The following RYR3 variants were observed in gnomAD, a reference collection of about 807,000 sequenced individuals.
The protein encoded by RYR3 is brain ryanodine receptor-calcium release channel.
A neutral mutation model predicts 584.3 loss-of-function variants in RYR3; 207 were observed. The observed-to-expected ratio is 0.35, with a 90% confidence interval of 0.32 to 0.40. RYR3 has a LOEUF of 0.40. Among genes scored for constraint, RYR3 ranks in the 10% least tolerant of loss-of-function variants. The pLI, the probability that RYR3 is intolerant of heterozygous loss-of-function variation, is 1.00. For missense variants in RYR3, 5,616 were observed against 6,089.2 expected (o/e 0.92, Z 2.59); for synonymous variants, 2,416 against 2,248.5 (o/e 1.07, Z -2.11).
At position 33,469,609 on chromosome 15, in the gene RYR3, A is replaced by T. The variant is rs779039088; in HGVS notation, c.52-3810A>T. Among the ~76,000 whole-genome samples, 14 of 151,510 alleles carry T rather than the reference A, an allele frequency of 9.2e-5. No individual in the cohort carries two copies. The South Asian group carries it at 1.0e-3, about 11-fold the overall frequency. On this transcript the variant is annotated intron_variant, in intron 1 of 103. Coordinates refer to ENST00000634891, the MANE Select transcript of RYR3 (RefSeq NM_001036.6). The stretch of plus-strand genomic sequence containing the variant: ...GGATGTGCTCTTGACAAACTTGGGG[A>T]ATATAAAAGGATAGGTAGACTGAAA...
chr15:33,642,372 A>G (rs779960311), intron 27 of RYR3, among the ~76,000 whole-genome samples: 4 of 152,222 alleles, frequency 2.6e-5, no homozygotes, highest in Non-Finnish European at 4.4e-5. Flanking sequence ...CTTCATGTTC[A>G]TGGCTCCAAG....
intron 1 of RYR3, among the ~76,000 whole-genome samples, chr15:33,313,764 T>C (rs1391637849): frequency 6.6e-6 from 1 of 152,224 alleles, no homozygotes; most frequent in African/African-American, 2.4e-5. Context: ...CATATCTTTG[T>C]AACCATGAAC....
intron 53 of RYR3, among the ~76,000 whole-genome samples, chr15:33,747,644 C>T (rs1357768499): frequency 2.0e-5 from 3 of 151,960 alleles, no homozygotes; most frequent in African/African-American, 2.4e-5. Context: ...AGCCTGGTGT[C>T]GAATTTCTGA....
chr15:33,586,227 A>C, intron 16 of RYR3, 111 bp downstream of exon 16: 1 of 706,586 alleles, frequency 1.4e-6, no homozygotes, highest in Non-Finnish European at 2.5e-6. Context: ...GACTTTGATA[A>C]AAATCTTGGG....
At chr15:33,383,031 G>A (rs1478508644) in intron 1 of RYR3, among the ~76,000 whole-genome samples, 1 of 151,996 alleles carries the variant, frequency 6.6e-6, no homozygotes, top group Non-Finnish European at 1.5e-5. Flanking sequence ...AGAAAACAAT[G>A]TAATCATATT....
intron 34 of RYR3, among the ~76,000 whole-genome samples, chr15:33,661,653 G>A (rs1340326842): frequency 3.3e-5 from 5 of 152,086 alleles, no homozygotes; most frequent in African/African-American, 9.7e-5. Flanking sequence ...TAGATCCCTC[G>A]CATGCACGGT....
intron 1 of RYR3, among the ~76,000 whole-genome samples, chr15:33,429,507 G>A (rs953379585): frequency 6.6e-6 from 1 of 152,100 alleles, no homozygotes. Flanking sequence ...GCTGATGATC[G>A]GATTTGCACT....
At position 33,750,153 on chromosome 15, in the gene RYR3, C is replaced by G; in HGVS notation, c.8276-10C>G. The stretch of plus-strand genomic sequence containing the variant: ...GAGCCAAATGTCATCTCTCACCTTA[C>G]TGACCCCAGGTGGTGGCAGCCACCC... On this transcript the variant is annotated splice_polypyrimidine_tract_variant and intron_variant, in intron 56 of 103. Coordinates refer to ENST00000634891, the MANE Select transcript of RYR3 (RefSeq NM_001036.6). The G allele has an allele frequency of 6.2e-7, 1 of 1,609,462 alleles. No individual in the cohort carries two copies. Among genetic ancestry groups the G allele is most frequent in the Non-Finnish European group, 8.5e-7 (1 of 1,177,948 alleles).
chr15:33,506,454 C>T (rs2142807786), intron 3 of RYR3, among the ~76,000 whole-genome samples: 1 of 152,234 alleles, frequency 6.6e-6, no homozygotes, highest in East Asian at 1.9e-4. Context: ...TTGAGTCAGA[C>T]TCTGAAATTT....
Position 33,838,816 on chromosome 15 carries a change from C to T in RYR3, c.12836C>T (p.Ser4279Leu), listed in dbSNP as rs2152981445. 2 of 1,613,904 alleles carry T rather than the reference C, an allele frequency of 1.2e-6. No homozygotes were observed. The highest frequency in any genetic ancestry group is 2.7e-5 in the African/African-American group (2 of 75,028). ...GAGAAGGGAGATACAGATATCATGT[C>T]AGACCTCTTTGGACTCCACCCAAAG... is the stretch of plus-strand genomic sequence containing the variant. ...KGEKGDTDIM[S>L]DLFGLHPKKE... Residue 4279 changes from serine (S) to leucine (L), a missense_variant, in exon 89 of 104, where the codon TCA becomes TTA. By Grantham distance (145) the Ser-to-Leu change is moderately radical (BLOSUM62 -2). Around this residue, in one of 9 missense-constraint regions of RYR3, gnomAD observed 918 missense variants for 887.4 expected, o/e 1.03. Transcript: ENST00000634891.
chr15:33,329,698 C>T (rs1970151626), intron 1 of RYR3, among the ~76,000 whole-genome samples: 2 of 152,174 alleles, frequency 1.3e-5, no homozygotes, highest in East Asian at 3.8e-4. Flanking sequence ...CTTTGGCCAT[C>T]ACAACATTAT....
chr15:33,683,981 G>A (rs2064816234), intron 38 of RYR3, among the ~76,000 whole-genome samples: 1 of 152,266 alleles, frequency 6.6e-6, no homozygotes, highest in Admixed American at 6.5e-5. Context: ...AAGCAGCCAG[G>A]AAGCTCGAAC....
chr15:33,347,716 G>A (rs1278662501), intron 1 of RYR3, among the ~76,000 whole-genome samples: 1 of 152,070 alleles, frequency 6.6e-6, no homozygotes, highest in Non-Finnish European at 1.5e-5. Flanking sequence ...CAAAGTGTGG[G>A]AGCTCTTTGA....
At chr15:33,825,873 C>T (rs1201403176) in intron 82 of RYR3, 197 bp downstream of exon 82, 15 of 531,190 alleles carry the variant, frequency 2.8e-5, no homozygotes, top group Non-Finnish European at 4.3e-5. Flanking sequence ...GATGGGATTA[C>T]AGGCTCCCAC....
At chr15:33,630,113 C>A in intron 22 of RYR3, 70 bp downstream of exon 22, 2 of 815,300 alleles carry the variant, frequency 2.5e-6, no homozygotes, top group South Asian at 1.7e-5. Flanking sequence ...AACTAAACTG[C>A]AAAGATATGT....
chr15:33,592,490 C>T (rs1490548135), intron 16 of RYR3, among the ~76,000 whole-genome samples: 1 of 152,162 alleles, frequency 6.6e-6, no homozygotes, highest in South Asian at 2.1e-4. Context: ...ATATCTGTAT[C>T]CAGTGGAAGG....
chr15:33,804,132 G>A (rs2076059843), intron 69 of RYR3, among the ~76,000 whole-genome samples: 2 of 152,194 alleles, frequency 1.3e-5, no homozygotes, highest in South Asian at 2.1e-4. Context: ...GACAAAGGAT[G>A]GTCATTTTCA....
intron 102 of RYR3, among the ~76,000 whole-genome samples, chr15:33,862,823 C>G (rs1452693447): frequency 2.0e-5 from 3 of 152,072 alleles, no homozygotes; most frequent in Non-Finnish European, 4.4e-5. Context: ...GTTGGCCAAG[C>G]TGGTCTCAAA....
rs1005961750 is a variant in RYR3, at chr15:33,412,572, G to C, written c.52-60847G>C. 6.6e-6 allele frequency among the ~76,000 whole-genome samples: 1 copy of C among 152,156 alleles called. No individual in the cohort carries two copies. Among genetic ancestry groups the C allele is most frequent in the South Asian group, 2.1e-4 (1 of 4,826 alleles). The stretch of plus-strand genomic sequence containing the variant: ...AGGAGAGCCCCACGGTTTCTCTTCT[G>C]GGTCTAGGGTTTGTCACCAGGCCCA... On this transcript the variant is annotated intron_variant, in intron 1 of 103. Transcript: ENST00000634891. The surrounding 1 kb of genome is among the most constrained non-coding windows in gnomAD (Gnocchi z 4.3).
Sources: allele counts gnomAD v4.1 joint callset (sites outside exome capture counted in the v4.1 genomes callset), GRCh38; gene constraint gnomAD v4.1.1; regional missense constraint gnomAD v4.1.1; non-coding constraint Gnocchi (gnomAD v3.1); transcripts MANE v1.5; gene names NCBI Gene and HGNC (gene_info 2026-07-23, HGNC 2026-07-21).